The following GTPBP6 variants were observed in gnomAD, a reference collection of about 807,000 sequenced individuals.
GTPBP6 encodes the protein GTP binding protein 6.
Under a neutral mutation model 28.9 loss-of-function variants are expected in GTPBP6, and 33 were observed. The observed-to-expected ratio is 1.14, with a 90% CI of 0.87 to 1.53. The LOEUF is 1.53. Among genes scored for constraint, GTPBP6 ranks in the 40% most tolerant of loss-of-function variants. GTPBP6 has a pLI of 0.00. For synonymous variants in GTPBP6, 231 were observed against 192.7 expected, an observed-to-expected ratio of 1.20 and a Z score of -1.65; for missense variants, 507 against 408.3, an observed-to-expected ratio of 1.24 and a Z score of -2.08.
chrX:305,849 C>T (rs980578735), intron 9 of GTPBP6, among the ~76,000 whole-genome samples: 3 of 152,292 alleles, frequency 2.0e-5, no homozygotes, highest in South Asian at 2.1e-4. Flanking sequence ...TGGTCTCGAT[C>T]TCCTGACCTT....
chrX:306,578 A>G (rs917554498), intron 9 of GTPBP6, among the ~76,000 whole-genome samples: 5 of 150,422 alleles, frequency 3.3e-5, no homozygotes, highest in African/African-American at 1.2e-4. Flanking sequence ...ATGTATTTTT[A>G]CTGTCAAGCA....
Position 312,857 on chromosome X carries a change from C to G in GTPBP6, c.825G>C (p.Leu275Phe), listed in dbSNP as rs1029767262. 5 of 1,612,698 alleles carry G rather than the reference C, an allele frequency of 3.1e-6. No individual in the cohort carries two copies. In the African/African-American group the frequency reaches 5.3e-5, roughly 17 times the overall value. ...GGTGCCTCTTCTTGCGAAGCCTGTCCAAGGCCTTCCTGATCTTGGCCTCCT... is the reference window on the plus strand; with the variant it reads ...GGTGCCTCTTCTTGCGAAGCCTGTCGAAGGCCTTCCTGATCTTGGCCTCCT... The change falls in exon 6 of 10, where the codon TTG (leucine) becomes TTC (phenylalanine). Residue 275 changes from leucine to phenylalanine, a missense_variant. Leu to Phe is a conservative substitution (Grantham distance 22). Transcript: ENST00000326153.
At chrX:307,576 C>T in intron 8 of GTPBP6, 64 bp from the exon 9 acceptor site, 1 of 1,555,396 alleles carries the variant, frequency 6.4e-7, no homozygotes, top group Non-Finnish European at 8.8e-7. Context: ...AATCAGGGTC[C>T]CCAGGAGTCC....
At chrX:312,806 C>A (rs1399030770) in exon 6 of GTPBP6, 1 of 1,612,616 alleles carries the variant, frequency 6.2e-7, no homozygotes, top group South Asian at 1.1e-5. Context: ...CGGGGAACTC[C>A]CGCCTCGTCC....
At chrX:306,509 ACAGT>A (rs1312280169) in intron 9 of GTPBP6, among the ~76,000 whole-genome samples, 20 of 144,492 alleles carry the variant, frequency 1.4e-4, no homozygotes, top group Non-Finnish European at 2.8e-4. Flanking sequence ...TGTTGTATGC[ACAGT>A]CAGAAATGTA....
At chrX:311,605 T>C (rs1187077114) in exon 7 of GTPBP6, 1 of 1,612,066 alleles carries the variant, frequency 6.2e-7, no homozygotes, top group South Asian at 1.1e-5. Context: ...CGCCCGTCAG[T>C]GCCTTGATCA....
Position 311,374 on chromosome X carries a change from C to T in GTPBP6, c.1125+45G>A, listed in dbSNP as rs756746941. 11 of 1,408,772 alleles carry T rather than the reference C, an allele frequency of 7.8e-6. 1 individual carries two copies. The highest frequency in any genetic ancestry group is 1.6e-5 in the African/African-American group (1 of 61,246). 87.3% of individuals were successfully genotyped at this position (1,408,772 alleles called of 1,614,324 possible). A position where few individuals can be genotyped will look rare whatever the true frequency, so the allele number is the denominator to read the frequency against. On this transcript the variant is annotated intron_variant, in intron 7 of 9. Coordinates refer to ENST00000326153, the Ensembl canonical transcript of GTPBP6. ...GTGTCTGAGTGCCCAGCCCCCGTGC[C>T]GAATGGGTGTCCGAGCACCCGATCC...
intron 9 of GTPBP6, 109 bp from the exon 10 acceptor site, chrX:305,306 A>C: frequency 3.6e-6 from 3 of 826,788 alleles, no homozygotes; most frequent in Non-Finnish European, 3.9e-6. Context: ...CATTCATCAG[A>C]CCGTCCTGTT....
intron 1 of GTPBP6, among the ~76,000 whole-genome samples, chrX:317,721 ACCC>A (rs1377266219): frequency 0.11 from 1,182 of 11,050 alleles, 19 homozygotes; most frequent in Non-Finnish European, 0.12. Flanking sequence ...ACCCCACCCC[ACCC>A]CACCCCACGG....
intron 9 of GTPBP6, among the ~76,000 whole-genome samples, chrX:306,337 A>G (rs1286127233): frequency 6.6e-6 from 1 of 150,982 alleles, no homozygotes; most frequent in East Asian, 2.0e-4. Flanking sequence ...AGTGCAGATT[A>G]GGCACCTGTT....
chrX:312,697 C>G lies in GTPBP6; in HGVS notation c.916+69G>C, dbSNP rs1425559790. The G allele has an allele frequency of 4.0e-6, 6 of 1,485,160 alleles. No individual in the cohort carries two copies. The Middle Eastern group carries it at 5.9e-4, about 147-fold the overall frequency. The allele number at this position is 1,485,160 out of a possible 1,614,324, so 92.0% of individuals were successfully genotyped here. A position where few individuals can be genotyped will look rare whatever the true frequency, so the allele number is the denominator to read the frequency against. ...ACTGAGACGACAGGGACCCCCTGCC[C>G]TCCCCCGGGCGAGTCCTCACCGGTG... On this transcript the variant is annotated intron_variant, in intron 6 of 9. Coordinates refer to ENST00000326153, the Ensembl canonical transcript of GTPBP6.
intron 7 of GTPBP6, among the ~76,000 whole-genome samples, chrX:309,466 CAG>C (rs1403492904): frequency 7.6e-6 from 1 of 131,106 alleles, no homozygotes; most frequent in Non-Finnish European, 1.7e-5. Context: ...ATGTTTACGA[CAG>C]AAAGAAAGAG....
At chrX:307,238 C>G (rs753203211) in intron 9 of GTPBP6, 122 bp downstream of exon 9, 6 of 843,032 alleles carry the variant, frequency 7.1e-6, no homozygotes, top group Non-Finnish European at 1.1e-5. Context: ...TTCATCTCGT[C>G]TGTACATCCT....
chrX:306,122 G>A (rs1485283546), intron 9 of GTPBP6, among the ~76,000 whole-genome samples: 1 of 152,222 alleles, frequency 6.6e-6, no homozygotes, highest in Non-Finnish European at 1.5e-5. Context: ...GCACAGATTA[G>A]GCACCTGTTG....
exon 7 of GTPBP6, chrX:311,575 C>T (rs1055696162): frequency 1.2e-5 from 19 of 1,612,270 alleles, no homozygotes; most frequent in Non-Finnish European, 1.4e-5. Flanking sequence ...ACAGCTGGTC[C>T]CGTGGCTGGA....
rs767804943 is a variant in GTPBP6, at chrX:309,611, G to A, written c.1126-1731C>T. Among the ~76,000 whole-genome samples the A allele has an allele frequency of 1.2e-3, 189 of 152,248 alleles. 1 individual carries two copies. The highest frequency in any genetic ancestry group is 4.5e-3 in the African/African-American group (186 of 41,574). ...AATGACAGGTGTCCTAGGAGACACA[G>A]ACACAGAGAAGGCCACGTGGAGATG... On this transcript the variant is annotated intron_variant, in intron 7 of 9. Transcript: ENST00000326153.
chrX:311,935 T>A (rs1484035150), intron 6 of GTPBP6: 15 of 578,072 alleles, frequency 2.6e-5, no homozygotes, highest in Non-Finnish European at 4.1e-5. Flanking sequence ...ATGGCGTAGA[T>A]GGTGGGATGG....
intron 9 of GTPBP6, among the ~76,000 whole-genome samples, chrX:306,516 G>C (rs28366905): frequency 0.022 from 3,279 of 145,790 alleles, 117 homozygotes; most frequent in African/African-American, 0.085. Flanking sequence ...TGCACAGTCA[G>C]AAATGTACAT....
intron 4 of GTPBP6, 88 bp downstream of exon 4, chrX:314,802 C>A (rs1414571412): frequency 6.5e-4 from 266 of 409,922 alleles, no homozygotes; most frequent in Middle Eastern, 3.1e-3. Context: ...TCCTCACGCA[C>A]CCCCAGAACG....
Sources: allele counts gnomAD v4.1 joint callset (sites outside exome capture counted in the v4.1 genomes callset), GRCh38; gene constraint gnomAD v4.1.1; transcripts MANE v1.5; gene names NCBI Gene and HGNC (gene_info 2026-07-23, HGNC 2026-07-21).